Variants in MPRIP observed in about 807,000 individuals in gnomAD.
MPRIP encodes myosin phosphatase Rho interacting protein.
A neutral mutation model predicts 234.9 loss-of-function variants in MPRIP; 59 were observed. The observed-to-expected ratio is 0.25, with a 90% CI of 0.20 to 0.31. The LOEUF is 0.31. Among genes scored for constraint, MPRIP ranks in the 10% least tolerant of loss-of-function variants. The probability of loss-of-function intolerance (pLI) is 1.00; values close to 1 mark genes in which losing one functional copy is unlikely to be tolerated. For synonymous variants in MPRIP, 1,144 were observed against 1,263.9 expected (o/e 0.91, Z 2.01); for missense variants, 2,436 against 3,071.0 (o/e 0.79, Z 4.89).
intron 1 of MPRIP, among the ~76,000 whole-genome samples, chr17:17,047,409 A>G (rs2088388160): frequency 6.6e-6 from 1 of 151,854 alleles, no homozygotes; most frequent in African/African-American, 2.4e-5. Flanking sequence ...AATAGTTTGT[A>G]GTTTTAATGT....
At chr17:17,137,530 T>G (rs1974722) in intron 6 of MPRIP, among the ~76,000 whole-genome samples, 110,294 of 145,894 alleles carry the variant, frequency 0.76, 41,991 homozygotes, top group East Asian at 0.99. Context: ...AAAAAAAAAA[T>G]ACTGAAGGGC....
intron 18 of MPRIP, among the ~76,000 whole-genome samples, 183 bp downstream of exon 18, chr17:17,172,998 C>T (rs2046178085): frequency 6.6e-6 from 1 of 152,254 alleles, no homozygotes; most frequent in Admixed American, 6.5e-5. Flanking sequence ...AGTGGGGCCT[C>T]CTTTATTCAG....
Position 17,176,501 on chromosome 17 carries a change from A to T in MPRIP, c.6946A>T (p.Thr2316Ser), listed in dbSNP as rs767497368. Residue 2316 changes from threonine (T) to serine (S), a missense_variant, in exon 21 of 24, where the codon ACG becomes TCG. Physicochemically the swap from Thr to Ser is moderately conservative, Grantham distance 58. Coordinates refer to ENST00000651222, the MANE Select transcript of MPRIP (RefSeq NM_001364716.4). ...EISSLKDELQ[T>S]ALRDKKYASD... Reference sequence around the variant, plus strand: ...TAGCTCCCTCAAGGATGAGCTGCAGACGGCACTGCGGGTAAGGCCACCGCA... The same window carrying T: ...TAGCTCCCTCAAGGATGAGCTGCAGTCGGCACTGCGGGTAAGGCCACCGCA... The T allele has an allele frequency of 1.2e-5, 20 of 1,613,878 alleles. No homozygotes were observed. In the South Asian group the frequency reaches 2.1e-4, roughly 17 times the overall value.
chr17:17,153,926 A>G (rs1368569498), intron 12 of MPRIP, among the ~76,000 whole-genome samples: 1 of 151,668 alleles, frequency 6.6e-6, no homozygotes, highest in Non-Finnish European at 1.5e-5. Flanking sequence ...CCCCACCTCC[A>G]CCACTGCTCA....
chr17:17,122,153 C>A (rs1281982665), intron 3 of MPRIP, among the ~76,000 whole-genome samples: 1 of 152,056 alleles, frequency 6.6e-6, no homozygotes, highest in African/African-American at 2.4e-5. Flanking sequence ...GACTTATATT[C>A]CTTTGGGTAT....
chr17:17,045,026 A>G, intron 1 of MPRIP, among the ~76,000 whole-genome samples: 1 of 152,180 alleles, frequency 6.6e-6, no homozygotes, highest in East Asian at 1.9e-4. Context: ...TGCTCTCTGC[A>G]TCCGGCCCTC....
At chr17:17,087,785 A>T (rs1468378470) in intron 3 of MPRIP, among the ~76,000 whole-genome samples, 1 of 152,154 alleles carries the variant, frequency 6.6e-6, no homozygotes. Context: ...TTCTTGCTTG[A>T]GTTTCTGATG....
intron 22 of MPRIP, 84 bp downstream of exon 22, chr17:17,177,496 G>C: frequency 6.9e-7 from 1 of 1,441,184 alleles, no homozygotes; most frequent in Non-Finnish European, 9.5e-7. Flanking sequence ...TGCTTGACTT[G>C]AAGCAGAAGA....
intron 3 of MPRIP, among the ~76,000 whole-genome samples, chr17:17,104,082 G>C (rs1437919175): frequency 6.6e-6 from 1 of 152,192 alleles, no homozygotes; most frequent in Non-Finnish European, 1.5e-5. Flanking sequence ...ATTTGTGTCA[G>C]ATATTCATGT....
chr17:17,172,063 G>A (rs1000705220), intron 17 of MPRIP, among the ~76,000 whole-genome samples, 198 bp downstream of exon 17: 2 of 152,194 alleles, frequency 1.3e-5, no homozygotes, highest in Non-Finnish European at 2.9e-5. Flanking sequence ...AACTGAGAGC[G>A]CACACTTCGA....
intron 3 of MPRIP, among the ~76,000 whole-genome samples, chr17:17,090,820 G>A (rs2089698002): frequency 6.6e-6 from 1 of 152,196 alleles, no homozygotes; most frequent in Non-Finnish European, 1.5e-5. Flanking sequence ...GACCTGGTGG[G>A]TGGAGCTACT....
chr17:17,157,822 C>A (rs1415464756), intron 13 of MPRIP, among the ~76,000 whole-genome samples: 1 of 150,958 alleles, frequency 6.6e-6, no homozygotes, highest in African/African-American at 2.4e-5. Flanking sequence ...GAGTGAAACT[C>A]CATCTCAAAA....
intron 16 of MPRIP, 105 bp downstream of exon 16, chr17:17,168,020 C>T: frequency 1.1e-6 from 1 of 897,600 alleles, no homozygotes; most frequent in Non-Finnish European, 1.5e-6. Context: ...AGGGGATATG[C>T]TGCTGTCCCT....
chr17:17,192,426 T>TGGGGGGGGGGGGGGG lies in MPRIP; in HGVS notation c.*7532_*7533insGGGGGGGGGGGGGGG. 1 of 2,962 alleles carries TGGGGGGGGGGGGGGG rather than the reference T, an allele frequency of 3.4e-4. No homozygotes were observed. The highest frequency in any genetic ancestry group is 5.3e-3 in the Admixed American group (1 of 188). The allele number at this position is 2,962 out of a possible 1,614,324, so 0.2% of individuals were successfully genotyped here. A position where few individuals can be genotyped will look rare whatever the true frequency, so the allele number is the denominator to read the frequency against. On this transcript the variant is annotated 3_prime_UTR_variant, in exon 24 of 24. Transcript: ENST00000651222. ...GACCAGCTGAGCTGCTGCTTTTTTT[T>TGGGGGGGGGGGGGGG]TGGGGGGGGGGGGGGGAGGGGCGTC...
chr17:17,099,683 C>T (rs140571698), intron 3 of MPRIP, among the ~76,000 whole-genome samples: 1 of 152,262 alleles, frequency 6.6e-6, no homozygotes, highest in East Asian at 1.9e-4. Context: ...GCCTTGATTG[C>T]ACCACTGCAG....
At chr17:17,181,147 A>C (rs1174480194) in intron 23 of MPRIP, among the ~76,000 whole-genome samples, 3 of 152,246 alleles carry the variant, frequency 2.0e-5, no homozygotes, top group Non-Finnish European at 1.5e-5. Flanking sequence ...AAGATGGTTC[A>C]GAAGAGCGTG....
chr17:17,062,285 C>T (rs1156884772), intron 1 of MPRIP, among the ~76,000 whole-genome samples: 3 of 152,160 alleles, frequency 2.0e-5, no homozygotes, highest in South Asian at 2.1e-4. Context: ...CCTGCGTGCT[C>T]GGTCAGGCAG....
chr17:17,105,461 T>C (rs2090045308), intron 3 of MPRIP, among the ~76,000 whole-genome samples: 1 of 152,194 alleles, frequency 6.6e-6, no homozygotes, highest in Non-Finnish European at 1.5e-5. Context: ...TCCTCTTGAC[T>C]GGGGCAGTAC....
intron 1 of MPRIP, among the ~76,000 whole-genome samples, chr17:17,045,807 G>GT (rs528782550): frequency 0.23 from 32,130 of 139,824 alleles, 4,798 homozygotes; most frequent in African/African-American, 0.41. Flanking sequence ...CAAATATACA[G>GT]TTTTTTTTTT....
Sources: allele counts gnomAD v4.1 joint callset (sites outside exome capture counted in the v4.1 genomes callset), GRCh38; gene constraint gnomAD v4.1.1; transcripts MANE v1.5; gene names NCBI Gene and HGNC (gene_info 2026-07-23, HGNC 2026-07-21).